Variants in LAMP5 observed in about 807,000 individuals in gnomAD.
The protein encoded by LAMP5 is lysosome associated membrane protein 5, also known as lysosome-associated membrane glycoprotein 5.
LAMP5 carries 36 observed loss-of-function variants against 30.2 expected under a neutral mutation model. The ratio of observed to expected loss-of-function variants is 1.19; its 90% confidence interval spans 0.91 to 1.57. The LOEUF (loss-of-function observed/expected upper bound fraction) is 1.57, where lower values mean the gene tolerates loss of function less well. Among genes scored for constraint, LAMP5 ranks in the 40% most tolerant of loss-of-function variants. The pLI is 0.00. For synonymous variants in LAMP5, 149 were observed against 134.6 expected, an observed-to-expected ratio of 1.11 and a Z score of -0.74; for missense variants, 377 against 354.9, an observed-to-expected ratio of 1.06 and a Z score of -0.50.
At chr20:9,527,732 C>A (rs185086874) in intron 5 of LAMP5, among the ~76,000 whole-genome samples, 1 of 152,334 alleles carries the variant, frequency 6.6e-6, no homozygotes, top group Admixed American at 6.5e-5. Context: ...GAATATAATT[C>A]TGGTTAGCCT....
Position 9,521,399 on chromosome 20 carries a change from G to T in LAMP5, c.664+3171G>T, listed in dbSNP as rs147773985. Among the ~76,000 whole-genome samples the T allele has an allele frequency of 4.7e-4, 72 of 152,280 alleles. No individual in the cohort carries two copies. The Middle Eastern group carries it at 0.01, about 22-fold the overall frequency. Reference sequence around the variant, plus strand: ...CAAAGCAGGCAGGCTCCATACAGCTGCAAATTTTCTTGTTTAAGCTATTTT... The same window carrying T: ...CAAAGCAGGCAGGCTCCATACAGCTTCAAATTTTCTTGTTTAAGCTATTTT... On this transcript the variant is annotated intron_variant, in intron 5 of 5. Coordinates refer to ENST00000246070, the MANE Select transcript of LAMP5 (RefSeq NM_012261.4).
rs1046372985 is a variant in LAMP5 at position 9,529,955 on chromosome 20, CTTGGCTTGT to C, written c.*136_*144del. On this transcript the variant is annotated 3_prime_UTR_variant, in exon 6 of 6. Transcript: ENST00000246070. ...AACAGGCCTGGGTATCTGAGGCTTGCTTGGCTTGTGTCCATGCTTAAACCCACGGAAGGG... is the reference window on the plus strand; with the variant it reads ...AACAGGCCTGGGTATCTGAGGCTTGCGTCCATGCTTAAACCCACGGAAGGG... 2.3e-6 allele frequency: 2 copies of C among 876,928 alleles called. No homozygotes were observed. Among genetic ancestry groups the C allele is most frequent in the African/African-American group, 3.3e-5 (2 of 59,948 alleles). The allele number at this position is 876,928 out of a possible 1,614,324, so 54.3% of individuals were successfully genotyped here.
intron 1 of LAMP5, 122 bp from the exon 2 acceptor site, chr20:9,515,331 G>T: frequency 2.4e-6 from 2 of 817,388 alleles, no homozygotes; most frequent in Admixed American, 2.9e-5. Flanking sequence ...CTCGTAGAGC[G>T]CACAGCTGCT....
At chr20:9,517,567 C>T (rs576601713) in intron 4 of LAMP5, among the ~76,000 whole-genome samples, 163 of 149,072 alleles carry the variant, frequency 1.1e-3, no homozygotes, top group African/African-American at 3.7e-3. Flanking sequence ...CCAGTTTCCC[C>T]AGTAGCTGGG....
intron 5 of LAMP5, among the ~76,000 whole-genome samples, chr20:9,522,972 C>CTTTTTTTTTTTTTTTTTTTTTT (rs60017722): frequency 1.9e-5 from 2 of 104,184 alleles, no homozygotes; most frequent in African/African-American, 4.3e-5. Context: ...ATACTTAAAT[C>CTTTTTTTTTTTTTTTTTTTTTT]TTTTTTTTTT....
At position 9,514,754 on chromosome 20, in the gene LAMP5, T is replaced by G; in HGVS notation, c.-99T>G. On this transcript the variant is annotated 5_prime_UTR_variant, in exon 1 of 6. Coordinates refer to ENST00000246070, the MANE Select transcript of LAMP5 (RefSeq NM_012261.4). ...CCCTCCCCCTTCTCTGTCCCCCGCC[T>G]CTCGCTCACCCCGGCCCACTCCAGC... is the stretch of plus-strand genomic sequence containing the variant. 3 of 1,014,698 alleles carry G rather than the reference T, an allele frequency of 3.0e-6. No homozygotes were observed. Among genetic ancestry groups the G allele is most frequent in the Non-Finnish European group, 4.5e-6 (3 of 660,592 alleles). The allele number at this position is 1,014,698 out of a possible 1,614,324, so 62.9% of individuals were successfully genotyped here.
intron 4 of LAMP5, among the ~76,000 whole-genome samples, 180 bp downstream of exon 4, chr20:9,516,541 GGCCTTGTAGATCC>G (rs1346831967): frequency 9.2e-5 from 14 of 152,260 alleles, no homozygotes; most frequent in Middle Eastern, 3.4e-3. Flanking sequence ...CTGGGTCTCA[GGCCTTGTAGATCC>G]GCCAGGAACC....
chr20:9,521,681 C>T (rs1022885839), intron 5 of LAMP5, among the ~76,000 whole-genome samples: 1 of 152,142 alleles, frequency 6.6e-6, no homozygotes. Context: ...TTTCTGAGGG[C>T]CTCATTCAAA....
At chr20:9,523,461 G>A (rs2045092245) in intron 5 of LAMP5, among the ~76,000 whole-genome samples, 1 of 152,154 alleles carries the variant, frequency 6.6e-6, no homozygotes, top group Admixed American at 6.5e-5. Context: ...ATTTTTAAAT[G>A]CTGTCATGAA....
intron 4 of LAMP5, 30 bp from the exon 5 acceptor site, chr20:9,518,010 T>TCTGCCGGCAGGAGGGGC: frequency 1.9e-6 from 3 of 1,599,138 alleles, no homozygotes; most frequent in Non-Finnish European, 2.6e-6. Context: ...CAATGAGGGT[T>TCTGCCGGCAGGAGGGGC]CTAACTATTG....
At chr20:9,521,238 AC>A (rs2045077843) in intron 5 of LAMP5, among the ~76,000 whole-genome samples, 1 of 152,080 alleles carries the variant, frequency 6.6e-6, no homozygotes, top group African/African-American at 2.4e-5. Flanking sequence ...TGTCCAGGTG[AC>A]ATCTGCTCAG....
chr20:9,519,125 G>T (rs554918995), intron 5 of LAMP5, among the ~76,000 whole-genome samples: 8 of 152,230 alleles, frequency 5.3e-5, no homozygotes, highest in Non-Finnish European at 1.2e-4. Context: ...ATTCACGTTG[G>T]GCAATTGTGG....
At chr20:9,523,200 T>C (rs1462897156) in intron 5 of LAMP5, among the ~76,000 whole-genome samples, 1 of 152,120 alleles carries the variant, frequency 6.6e-6, no homozygotes, top group Non-Finnish European at 1.5e-5. Flanking sequence ...GCTGATGTTA[T>C]AGGAGTCCAG....
At position 9,514,766 on chromosome 20, in the gene LAMP5, C is replaced by A. The variant is rs2045021881; in HGVS notation, c.-87C>A. 5.6e-6 allele frequency: 7 copies of A among 1,247,638 alleles called. No individual in the cohort carries two copies. The highest frequency in any genetic ancestry group is 4.5e-5 in the African/African-American group (3 of 67,370). 77.3% of individuals were successfully genotyped at this position (1,247,638 alleles called of 1,614,324 possible). A position where few individuals can be genotyped will look rare whatever the true frequency, so the allele number is the denominator to read the frequency against. On this transcript the variant is annotated 5_prime_UTR_variant, in exon 1 of 6. Coordinates refer to ENST00000246070, the MANE Select transcript of LAMP5 (RefSeq NM_012261.4). Reference sequence around the variant, plus strand: ...TCTGTCCCCCGCCTCTCGCTCACCCCGGCCCACTCCAGCGGCGACTTTGAG... The same window carrying A: ...TCTGTCCCCCGCCTCTCGCTCACCCAGGCCCACTCCAGCGGCGACTTTGAG...
chr20:9,520,997 C>T (rs1444547633), intron 5 of LAMP5, among the ~76,000 whole-genome samples: 1 of 152,134 alleles, frequency 6.6e-6, no homozygotes, highest in Non-Finnish European at 1.5e-5. Flanking sequence ...CAAGAAGCTC[C>T]ATTGCTAGCA....
chr20:9,518,516 C>G (rs2045058453), intron 5 of LAMP5, among the ~76,000 whole-genome samples: 1 of 152,194 alleles, frequency 6.6e-6, no homozygotes, highest in African/African-American at 2.4e-5. Flanking sequence ...TCTTTACCTT[C>G]TTCCCTCCCT....
In LAMP5 at chr20:9,518,333, G is replaced by T. The variant is rs2045057110; in HGVS notation, c.664+105G>T. The T allele has an allele frequency of 3.1e-6, 3 of 957,674 alleles. No homozygotes were observed. The Admixed American group carries it at 6.9e-5, about 22-fold the overall frequency. 59.3% of individuals were successfully genotyped at this position (957,674 alleles called of 1,614,324 possible). On this transcript the variant is annotated intron_variant, in intron 5 of 5. Coordinates refer to ENST00000246070, the MANE Select transcript of LAMP5 (RefSeq NM_012261.4). ...GATGTTACCACTTGGATTTCCTCTA[G>T]GTTGAAATGACACTGCCTGCCTCTT...
At chr20:9,528,571 G>T (rs556456566) in intron 5 of LAMP5, among the ~76,000 whole-genome samples, 3 of 151,970 alleles carry the variant, frequency 2.0e-5, no homozygotes, top group African/African-American at 7.3e-5. Context: ...AAGTGTATGC[G>T]CATAACAAAA....
intron 4 of LAMP5, among the ~76,000 whole-genome samples, chr20:9,517,675 G>T: frequency 7.2e-6 from 1 of 139,458 alleles, no homozygotes; most frequent in Non-Finnish European, 1.6e-5. Flanking sequence ...GCTCAGGCTG[G>T]TCTAGAAATC....
Sources: gnomAD v4.1 joint callset for allele counts (sites outside exome capture counted in the v4.1 genomes callset) on GRCh38, gnomAD v4.1.1 for gene constraint, MANE v1.5 for transcripts, NCBI Gene and HGNC (gene_info 2026-07-23, HGNC 2026-07-21) for gene names.